TANGO2: variants seen among roughly 807,000 people sequenced by gnomAD.
The protein encoded by TANGO2 is transport and Golgi organization protein 2 homolog.
In TANGO2, 26 loss-of-function variants were observed where a neutral mutation model predicts 39.1. The observed-to-expected ratio is 0.67, with a 90% CI of 0.49 to 0.92. The LOEUF (loss-of-function observed/expected upper bound fraction) is 0.92, where lower values mean the gene tolerates loss of function less well. TANGO2 is among the 40% of genes least tolerant of loss of function. The pLI is 0.00. For missense variants in TANGO2, 326 were observed against 360.1 expected, an observed-to-expected ratio of 0.91 and a Z score of 0.77; for synonymous variants, 131 against 144.5, an observed-to-expected ratio of 0.91 and a Z score of 0.67.
intron 1 of TANGO2, among the ~76,000 whole-genome samples, chr22:20,030,231 G>C (rs966878296): frequency 2.0e-5 from 3 of 149,408 alleles, no homozygotes; most frequent in Middle Eastern, 3.5e-3. Flanking sequence ...GCAATGGCAC[G>C]ATCTCGGTTC....
chr22:20,053,082 C>T (rs2046691458), intron 4 of TANGO2, among the ~76,000 whole-genome samples: 1 of 152,180 alleles, frequency 6.6e-6, no homozygotes, highest in Non-Finnish European at 1.5e-5. Flanking sequence ...CTCCTGACTG[C>T]TGTGTCACTG....
intron 1 of TANGO2, 80 bp downstream of exon 1, chr22:20,021,326 CAG>C (rs1307763402): frequency 6.6e-6 from 1 of 152,268 alleles, no homozygotes; most frequent in Admixed American, 6.5e-5. Context: ...GCGGCTGGGT[CAG>C]GGGCAACCAC....
chr22:20,063,254 A>G, intron 7 of TANGO2, 84 bp from the exon 8 acceptor site: 1 of 1,200,492 alleles, frequency 8.3e-7, no homozygotes, highest in South Asian at 1.3e-5. Context: ...AGAGCCAGTT[A>G]GGCCACCAGG....
intron 1 of TANGO2, among the ~76,000 whole-genome samples, chr22:20,032,228 G>A (rs191598848): frequency 4.3e-4 from 65 of 152,394 alleles, no homozygotes; most frequent in African/African-American, 1.5e-3. Context: ...CCCGGTGGCC[G>A]TGAGGCCAGT....
At position 20,064,913 on chromosome 22, in the gene TANGO2, A is replaced by G; in HGVS notation, c.*251A>G. ...GGACCGGCCGAGGTATACCATGAAC[A>G]TGTGGATACACCTGAGCCCACTCTT... On this transcript the variant is annotated 3_prime_UTR_variant, in exon 9 of 9. Coordinates refer to ENST00000327374, the MANE Select transcript of TANGO2 (RefSeq NM_152906.7). 2.0e-6 allele frequency: 1 copy of G among 493,616 alleles called. No individual in the cohort carries two copies. Among genetic ancestry groups the G allele is most frequent in the Non-Finnish European group, 3.7e-6 (1 of 273,146 alleles). The allele number at this position is 493,616 out of a possible 1,614,324, so 30.6% of individuals were successfully genotyped here.
intron 1 of TANGO2, among the ~76,000 whole-genome samples, chr22:20,027,965 A>G (rs899159844): frequency 1.9e-4 from 29 of 151,890 alleles, no homozygotes; most frequent in Middle Eastern, 3.4e-3. Context: ...TGCCTGGCTA[A>G]TTTTTGTATT....
intron 1 of TANGO2, among the ~76,000 whole-genome samples, chr22:20,034,022 A>G (rs1219336630): frequency 6.6e-6 from 1 of 152,202 alleles, no homozygotes; most frequent in African/African-American, 2.4e-5. Context: ...CCTGACCAAC[A>G]TGGAGAAACC....
chr22:20,044,553 T>C (rs917408817), intron 3 of TANGO2, among the ~76,000 whole-genome samples: 2 of 150,116 alleles, frequency 1.3e-5, no homozygotes, highest in African/African-American at 5.1e-5. Context: ...ATCAATCAAA[T>C]AAAAGCTCAG....
intron 2 of TANGO2, among the ~76,000 whole-genome samples, chr22:20,038,916 G>A (rs1328725764): frequency 2.3e-5 from 2 of 85,752 alleles, no homozygotes; most frequent in African/African-American, 9.2e-5. Context: ...GGGTGCTTTA[G>A]GCCACTATGT....
intron 3 of TANGO2, among the ~76,000 whole-genome samples, chr22:20,047,423 C>T (rs2045453599): frequency 1.3e-5 from 2 of 151,618 alleles, no homozygotes; most frequent in South Asian, 2.1e-4. Context: ...TTAGTAGAGA[C>T]GGGGTTTCAC....
chr22:20,064,461 A>C (rs1171728665), intron 8 of TANGO2, 81 bp from the exon 9 acceptor site: 2 of 1,572,614 alleles, frequency 1.3e-6, no homozygotes, highest in Non-Finnish European at 1.7e-6. Flanking sequence ...ACCTGCCTGC[A>C]TTCTTGCCCT....
At chr22:20,039,650 A>G (rs1009726103) in intron 2 of TANGO2, among the ~76,000 whole-genome samples, 1 of 151,512 alleles carries the variant, frequency 6.6e-6, no homozygotes, top group Non-Finnish European at 1.5e-5. Context: ...AAAACGAAAA[A>G]AAACCTGCCT....
At chr22:20,023,232 T>C (rs141432895) in intron 1 of TANGO2, among the ~76,000 whole-genome samples, 7 of 152,356 alleles carry the variant, frequency 4.6e-5, no homozygotes, top group African/African-American at 1.7e-4. Flanking sequence ...TTCAGTGCCA[T>C]GCTAACTTGA....
At chr22:20,061,146 C>A in intron 6 of TANGO2, 1 of 167,990 alleles carries the variant, frequency 6.0e-6, no homozygotes, top group Non-Finnish European at 1.3e-5. Context: ...CCTCTGGTGG[C>A]TAATTCTCCC....
intron 5 of TANGO2, chr22:20,055,614 C>T: frequency 2.3e-6 from 1 of 433,702 alleles, no homozygotes; most frequent in South Asian, 2.3e-5. Flanking sequence ...TGGGGCTCAG[C>T]CCTGCAGTTG....
intron 3 of TANGO2, 80 bp from the exon 4 acceptor site, chr22:20,052,385 A>G: frequency 6.5e-7 from 1 of 1,537,152 alleles, no homozygotes; most frequent in South Asian, 1.2e-5. Flanking sequence ...TGGGCCGAGT[A>G]TGCGTCTCCC....
chr22:20,037,726 A>C (rs1241017074), intron 2 of TANGO2, among the ~76,000 whole-genome samples: 1 of 152,144 alleles, frequency 6.6e-6, no homozygotes, highest in African/African-American at 2.4e-5. Context: ...GGTGGAAGAA[A>C]TGTTAGGAAA....
At chr22:20,059,675 G>A (rs1441205971) in intron 6 of TANGO2, among the ~76,000 whole-genome samples, 1 of 152,170 alleles carries the variant, frequency 6.6e-6, no homozygotes, top group Non-Finnish European at 1.5e-5. Context: ...CCATTTGTAT[G>A]TCTTCTTTGG....
At chr22:20,050,424 C>T (rs1343764355) in intron 3 of TANGO2, among the ~76,000 whole-genome samples, 2 of 131,638 alleles carry the variant, frequency 1.5e-5, no homozygotes, top group East Asian at 2.3e-4. Flanking sequence ...AGTGCAATGG[C>T]GCCATCTCTG....
Sources: gnomAD v4.1 joint callset for allele counts (sites outside exome capture counted in the v4.1 genomes callset) on GRCh38, gnomAD v4.1.1 for gene constraint, MANE v1.5 for transcripts, NCBI Gene and HGNC (gene_info 2026-07-23, HGNC 2026-07-21) for gene names.